ECT2L: variants seen among roughly 807,000 people sequenced by gnomAD.
The protein encoded by ECT2L is epithelial cell-transforming sequence 2 oncogene-like.
ECT2L carries 126 observed loss-of-function variants against 122.8 expected under a neutral mutation model. That is an observed-to-expected ratio of 1.03 (90% CI 0.89 to 1.19). The LOEUF is 1.19. ECT2L is among the 50% of genes most tolerant of loss of function. ECT2L has a pLI of 0.00. For missense variants in ECT2L, 1,012 were observed against 1,064.1 expected, an observed-to-expected ratio of 0.95 and a Z score of 0.68; for synonymous variants, 385 against 381.8, an observed-to-expected ratio of 1.01 and a Z score of -0.10.
rs1251644806 is a variant in ECT2L at position 138,903,459 on chromosome 6, C to T, written c.*832C>T. ...AGTATGAATGTACTCCTCTAGAGAG[C>T]ATTAAAGATATACCACTACAAAGTA... is the stretch of plus-strand genomic sequence containing the variant. On this transcript the variant is annotated 3_prime_UTR_variant, in exon 22 of 22. Coordinates refer to ENST00000541398, the MANE Select transcript of ECT2L (RefSeq NM_001077706.3). The T allele has an allele frequency of 6.6e-6, 1 of 151,952 alleles. No individual in the cohort carries two copies. Among genetic ancestry groups the T allele is most frequent in the East Asian group, 1.9e-4 (1 of 5,196 alleles). The allele number at this position is 151,952 out of a possible 1,614,324, so 9.4% of individuals were successfully genotyped here.
At chr6:138,873,329 C>T (rs1778318890) in intron 13 of ECT2L, among the ~76,000 whole-genome samples, 7 of 152,182 alleles carry the variant, frequency 4.6e-5, no homozygotes, top group African/African-American at 1.2e-4. Flanking sequence ...AGAACAAATG[C>T]GGAGACCTCT....
chr6:138,875,902 C>T (rs573981665), intron 13 of ECT2L, among the ~76,000 whole-genome samples: 9 of 152,284 alleles, frequency 5.9e-5, no homozygotes, highest in African/African-American at 2.2e-4. Context: ...GGGCAGATTA[C>T]CTGAGGTCAG....
intron 9 of ECT2L, among the ~76,000 whole-genome samples, chr6:138,853,816 A>C (rs1237946206): frequency 6.6e-6 from 1 of 152,216 alleles, no homozygotes; most frequent in Non-Finnish European, 1.5e-5. Flanking sequence ...ACCTGAGTGC[A>C]TAGTGTCCAA....
At position 138,887,443 on chromosome 6, in the gene ECT2L, G is replaced by A. The variant is rs1778867361; in HGVS notation, c.2325+521G>A. ...GGGTTTCACCGTGTTAGCCAGGATA[G>A]TCTCGATCTCCTGACCTTGTGATCT... is the stretch of plus-strand genomic sequence containing the variant. On this transcript the variant is annotated intron_variant, in intron 19 of 21. Transcript: ENST00000541398. Among the ~76,000 whole-genome samples, 4 of 152,076 alleles carry A rather than the reference G, an allele frequency of 2.6e-5. No individual in the cohort carries two copies. The South Asian group carries it at 6.2e-4, about 24-fold the overall frequency.
intron 9 of ECT2L, among the ~76,000 whole-genome samples, chr6:138,852,905 C>T (rs1333190504): frequency 6.6e-6 from 1 of 152,080 alleles, no homozygotes; most frequent in Non-Finnish European, 1.5e-5. Flanking sequence ...TTTTGTTCTC[C>T]AGGTAAGAAA....
intron 5 of ECT2L, among the ~76,000 whole-genome samples, chr6:138,842,117 C>T (rs975744539): frequency 2.6e-5 from 4 of 152,184 alleles, no homozygotes; most frequent in Non-Finnish European, 4.4e-5. Context: ...AGATACGCTT[C>T]TTATTTCCAA....
intron 10 of ECT2L, 84 bp from the exon 11 acceptor site, chr6:138,862,543 T>C: frequency 1.5e-6 from 2 of 1,330,592 alleles, no homozygotes; most frequent in Admixed American, 1.7e-5. Flanking sequence ...AACATGAGAT[T>C]TGGAGGGAAC....
intron 4 of ECT2L, among the ~76,000 whole-genome samples, chr6:138,834,908 C>CAT: frequency 7.9e-6 from 1 of 126,048 alleles, no homozygotes; most frequent in African/African-American, 3.2e-5. Flanking sequence ...CACACACACA[C>CAT]ACACACACAC....
At chr6:138,884,497 G>A (rs541782506) in intron 16 of ECT2L, among the ~76,000 whole-genome samples, 17 of 152,082 alleles carry the variant, frequency 1.1e-4, no homozygotes, top group African/African-American at 3.9e-4. Context: ...AATTAGCCAG[G>A]CATGGTGGCG....
intron 8 of ECT2L, 61 bp downstream of exon 8, chr6:138,846,738 A>T (rs530921303): frequency 2.9e-6 from 4 of 1,397,216 alleles, no homozygotes; most frequent in East Asian, 2.5e-5. Context: ...GTTTTTTTTC[A>T]TCTAGACTAG....
At chr6:138,879,998 T>C (rs1042836695) in intron 14 of ECT2L, among the ~76,000 whole-genome samples, 2 of 151,792 alleles carry the variant, frequency 1.3e-5, no homozygotes, top group Non-Finnish European at 2.9e-5. Context: ...AAAACAACAG[T>C]TGGAAACATA....
At chr6:138,878,677 G>C (rs976961186) in intron 14 of ECT2L, among the ~76,000 whole-genome samples, 1 of 152,068 alleles carries the variant, frequency 6.6e-6, no homozygotes, top group Non-Finnish European at 1.5e-5. Flanking sequence ...GAACTCCTGA[G>C]CTCAGGTGAT....
intron 14 of ECT2L, among the ~76,000 whole-genome samples, chr6:138,880,663 A>G (rs1778613925): frequency 6.6e-6 from 1 of 152,180 alleles, no homozygotes; most frequent in Admixed American, 6.5e-5. Flanking sequence ...CCAGCATAAG[A>G]CACCTAATAT....
chr6:138,890,492 C>CTTTTTTTTTTTTTTTTTTATTTTTTTTTT (rs1778981103), intron 20 of ECT2L, among the ~76,000 whole-genome samples: 1 of 78,990 alleles, frequency 1.3e-5, no homozygotes, highest in Admixed American at 1.4e-4. Flanking sequence ...TTTCTTTGAT[C>CTTTTTTTTTTTTTTTTTTATTTTTTTTTT]TTTTTTTTTT....
chr6:138,814,491 C>T lies in ECT2L; in HGVS notation c.67C>T (p.Leu23Phe), dbSNP rs760147648. The change falls in exon 4 of 22, where the codon CTC (leucine) becomes TTC (phenylalanine). Residue 23 changes from leucine (L) to phenylalanine (F), a missense_variant and splice_region_variant. Coordinates refer to ENST00000541398, the MANE Select transcript of ECT2L (RefSeq NM_001077706.3). The stretch of plus-strand genomic sequence containing the variant: ...TCACTTCCTCCCCTCCCCCTTATAG[C>T]TCTTTCAGGAAAGAGTGGCTCTTAT... ...PFSNKSLNRQ[L>F]FQERVALISH... 6.3e-7 allele frequency: 1 copy of T among 1,596,760 alleles called. No individual in the cohort carries two copies. The highest frequency in any genetic ancestry group is 8.6e-7 in the Non-Finnish European group (1 of 1,166,238).
At chr6:138,896,452 T>C (rs1779216819) in intron 20 of ECT2L, among the ~76,000 whole-genome samples, 1 of 152,170 alleles carries the variant, frequency 6.6e-6, no homozygotes, top group Non-Finnish European at 1.5e-5. Flanking sequence ...CTACAGTCAC[T>C]TAGCAGGGTA....
intron 10 of ECT2L, among the ~76,000 whole-genome samples, chr6:138,855,221 A>G (rs1777573420): frequency 6.6e-6 from 1 of 152,152 alleles, no homozygotes; most frequent in East Asian, 1.9e-4. Flanking sequence ...TGTAGAAAAT[A>G]TGCTGGTCAG....
intron 8 of ECT2L, among the ~76,000 whole-genome samples, chr6:138,847,537 A>AT (rs777070599): frequency 0.034 from 4,187 of 123,782 alleles, 101 homozygotes; most frequent in African/African-American, 0.068. Flanking sequence ...TGCCCGGCTA[A>AT]TTTTTTTTTT....
intron 20 of ECT2L, among the ~76,000 whole-genome samples, chr6:138,889,758 G>A (rs566081478): frequency 1.6e-4 from 24 of 152,252 alleles, no homozygotes; most frequent in African/African-American, 5.5e-4. Flanking sequence ...ACAGTATTTA[G>A]TTTGCACAAT....
Sources: allele counts gnomAD v4.1 joint callset (sites outside exome capture counted in the v4.1 genomes callset), GRCh38; gene constraint gnomAD v4.1.1; transcripts MANE v1.5; gene names NCBI Gene and HGNC (gene_info 2026-07-23, HGNC 2026-07-21).